EXT1: variants seen among roughly 807,000 people sequenced by gnomAD.
The protein encoded by EXT1 is exostosin glycosyltransferase 1, also known as exostosin-1.
EXT1 carries 20 observed loss-of-function variants against 82.5 expected under a neutral mutation model. The ratio of observed to expected loss-of-function variants is 0.24; its 90% CI spans 0.17 to 0.35. The LOEUF (loss-of-function observed/expected upper bound fraction) is 0.35, where lower values mean the gene tolerates loss of function less well. Ranked by LOEUF, EXT1 falls within the 10% of genes least tolerant of loss-of-function variation. The pLI is 1.00. For synonymous variants in EXT1, 348 were observed against 350.8 expected, an observed-to-expected ratio of 0.99 and a Z score of 0.09; for missense variants, 757 against 936.5, an observed-to-expected ratio of 0.81 and a Z score of 2.50.
At chr8:118,029,615 G>A (rs915205911) in intron 1 of EXT1, among the ~76,000 whole-genome samples, 1 of 152,090 alleles carries the variant, frequency 6.6e-6, no homozygotes, top group Non-Finnish European at 1.5e-5. Context: ...ACAGGTCAGG[G>A]TCTTATAGTG....
chr8:117,889,107 T>C (rs17450793), intron 1 of EXT1, among the ~76,000 whole-genome samples: 14,319 of 152,188 alleles, frequency 0.094, 875 homozygotes, highest in Middle Eastern at 0.17. Context: ...GCAGTTGTGA[T>C]AGCTGGAGCT....
intron 1 of EXT1, among the ~76,000 whole-genome samples, chr8:118,109,425 AAATGAATG>A (rs1160234623): frequency 8.4e-6 from 1 of 119,136 alleles, no homozygotes; most frequent in Admixed American, 8.6e-5. Context: ...ATGAATTAAT[AAATGAATG>A]AATGAATGAA....
rs531156471 is a variant in EXT1 at position 117,888,941 on chromosome 8, C to G, written c.963-51740G>C. On this transcript the variant is annotated intron_variant, in intron 1 of 10. Coordinates refer to ENST00000378204, the MANE Select transcript of EXT1 (RefSeq NM_000127.3). ...ATGTACTCAATCTTTCTCGCTGATG[C>G]AAAAACCTAATCTGATGATATTCCT... Among the ~76,000 whole-genome samples the G allele has an allele frequency of 2.0e-5, 3 of 152,328 alleles. No homozygotes were observed. The South Asian group carries it at 6.2e-4, about 32-fold the overall frequency.
intron 1 of EXT1, among the ~76,000 whole-genome samples, chr8:117,927,281 A>G (rs894570139): frequency 6.6e-6 from 1 of 152,006 alleles, no homozygotes; most frequent in African/African-American, 2.4e-5. Flanking sequence ...AAAGGCAGAA[A>G]CTCACTGTCT....
intron 1 of EXT1, among the ~76,000 whole-genome samples, chr8:117,924,788 T>C (rs1021997128): frequency 3.3e-5 from 5 of 152,216 alleles, no homozygotes; most frequent in Non-Finnish European, 7.3e-5. Context: ...TTATTCCCCA[T>C]ATTGGAGTCT....
At chr8:117,887,073 T>G (rs1813158717) in intron 1 of EXT1, among the ~76,000 whole-genome samples, 1 of 152,190 alleles carries the variant, frequency 6.6e-6, no homozygotes, top group Non-Finnish European at 1.5e-5. Context: ...TAGCCTCTGT[T>G]TAACAGTTCA....
chr8:118,090,228 C>T (rs1028686255), intron 1 of EXT1, among the ~76,000 whole-genome samples: 1 of 152,038 alleles, frequency 6.6e-6, no homozygotes, highest in Non-Finnish European at 1.5e-5. Flanking sequence ...TTGAGACCAG[C>T]CCGGGCAACA....
intron 1 of EXT1, among the ~76,000 whole-genome samples, chr8:117,940,089 A>G (rs756773315): frequency 6.6e-6 from 1 of 152,244 alleles, no homozygotes; most frequent in Non-Finnish European, 1.5e-5. Flanking sequence ...CCAATAAGTC[A>G]TGGCATTCAA....
intron 1 of EXT1, among the ~76,000 whole-genome samples, chr8:118,081,793 T>C (rs1467630572): frequency 6.6e-6 from 1 of 152,218 alleles, no homozygotes; most frequent in African/African-American, 2.4e-5. Flanking sequence ...CTCCTACCAC[T>C]AATGTATTAA....
chr8:117,825,141 G>T (rs1403089719), intron 4 of EXT1, among the ~76,000 whole-genome samples: 2 of 152,064 alleles, frequency 1.3e-5, no homozygotes, highest in African/African-American at 2.4e-5. Flanking sequence ...CAAAGTGTTG[G>T]GACTACAGGT....
chr8:117,845,756 T>A (rs1249264366), intron 1 of EXT1, among the ~76,000 whole-genome samples: 1 of 152,014 alleles, frequency 6.6e-6, no homozygotes, highest in African/African-American at 2.4e-5. Context: ...CCTGGCCAGA[T>A]ATAAATTATA....
intron 1 of EXT1, among the ~76,000 whole-genome samples, chr8:118,090,230 C>T (rs888801987): frequency 6.6e-6 from 1 of 151,742 alleles, no homozygotes; most frequent in African/African-American, 2.4e-5. Flanking sequence ...GAGACCAGCC[C>T]GGGCAACACA....
At chr8:117,914,805 C>A (rs1450992905) in intron 1 of EXT1, among the ~76,000 whole-genome samples, 1 of 152,178 alleles carries the variant, frequency 6.6e-6, no homozygotes, top group Non-Finnish European at 1.5e-5. Flanking sequence ...TTTATCAAGA[C>A]AATACGTGCA....
At chr8:117,987,119 A>G (rs1004104804) in intron 1 of EXT1, among the ~76,000 whole-genome samples, 2 of 152,200 alleles carry the variant, frequency 1.3e-5, no homozygotes, top group Non-Finnish European at 2.9e-5. Flanking sequence ...ACCTTAAGCT[A>G]TCTCTGAGGT....
At chr8:117,826,884 A>G (rs1812016224) in intron 4 of EXT1, among the ~76,000 whole-genome samples, 1 of 152,212 alleles carries the variant, frequency 6.6e-6, no homozygotes, top group African/African-American at 2.4e-5. Flanking sequence ...AAACAGCTTG[A>G]TCTTATTTTG....
At position 117,797,755 on chromosome 8, in the gene EXT1, A is replaced by G. The variant is rs1464909939; in HGVS notation, c.*1957T>C. On this transcript the variant is annotated 3_prime_UTR_variant, in exon 11 of 11. Transcript: ENST00000378204. ...CACAAGTGCAAGCACCATGGACCTA[A>G]GAATTATTTTTCAACAAATGCCTAA... The G allele has an allele frequency of 1.3e-5, 2 of 152,212 alleles. No homozygotes were observed. The highest frequency in any genetic ancestry group is 4.8e-5 in the African/African-American group (2 of 41,460). 9.4% of individuals were successfully genotyped at this position (152,212 alleles called of 1,614,324 possible).
At chr8:118,072,528 C>G (rs7843725) in intron 1 of EXT1, among the ~76,000 whole-genome samples, 22,825 of 152,174 alleles carry the variant, frequency 0.15, 2,953 homozygotes, top group African/African-American at 0.35. Context: ...TCTCCCTAAG[C>G]CCCTGTGACC....
intron 1 of EXT1, among the ~76,000 whole-genome samples, chr8:117,937,673 C>T (rs929830753): frequency 1.3e-5 from 2 of 152,198 alleles, no homozygotes; most frequent in African/African-American, 4.8e-5. Flanking sequence ...GTATGCAACG[C>T]GTTCAGAGCA....
intron 1 of EXT1, among the ~76,000 whole-genome samples, chr8:118,060,066 G>A (rs1348182398): frequency 6.6e-6 from 1 of 152,126 alleles, no homozygotes; most frequent in Non-Finnish European, 1.5e-5. Flanking sequence ...CAAATCACTT[G>A]CTACCACAGA....
Sources: allele counts gnomAD v4.1 joint callset (sites outside exome capture counted in the v4.1 genomes callset), GRCh38; gene constraint gnomAD v4.1.1; transcripts MANE v1.5; gene names NCBI Gene and HGNC (gene_info 2026-07-23, HGNC 2026-07-21).